The following DOCK3 variants were observed in gnomAD, a reference collection of about 807,000 sequenced individuals.
DOCK3 encodes the protein dedicator of cytokinesis protein 3.
Under a neutral mutation model 265.6 loss-of-function variants are expected in DOCK3, and 60 were observed. That is an observed-to-expected ratio of 0.23 (90% CI 0.18 to 0.28). DOCK3 has a LOEUF of 0.28. Ranked by LOEUF, DOCK3 falls within the 10% of genes least tolerant of loss-of-function variation. The pLI, the probability that DOCK3 is intolerant of heterozygous loss-of-function variation, is 1.00. For missense variants in DOCK3, 1,981 were observed against 2,594.3 expected (o/e 0.76, Z 5.14); for synonymous variants, 881 against 938.0 (o/e 0.94, Z 1.11).
At chr3:50,771,273 C>CA (rs2041257641) in intron 1 of DOCK3, among the ~76,000 whole-genome samples, 1 of 151,976 alleles carries the variant, frequency 6.6e-6, no homozygotes, top group African/African-American at 2.4e-5. Flanking sequence ...ATAATCTGAT[C>CA]AAAAAATGGG....
At chr3:50,968,871 T>A (rs2077112236) in intron 5 of DOCK3, among the ~76,000 whole-genome samples, 1 of 152,144 alleles carries the variant, frequency 6.6e-6, no homozygotes, top group African/African-American at 2.4e-5. Flanking sequence ...TTTTAAAAAA[T>A]TTATTGCGAC....
intron 1 of DOCK3, among the ~76,000 whole-genome samples, chr3:50,683,845 C>T (rs796307055): frequency 1.7e-5 from 2 of 117,848 alleles, no homozygotes; most frequent in South Asian, 4.1e-4. Flanking sequence ...CTCCCCCCCC[C>T]CCACCCACTC....
At chr3:51,315,218 T>A in intron 32 of DOCK3, 90 bp downstream of exon 32, 2 of 1,434,776 alleles carry the variant, frequency 1.4e-6, no homozygotes, top group Admixed American at 2.4e-5. Context: ...ATGATTCTAG[T>A]GGGGATGGGC....
intron 1 of DOCK3, among the ~76,000 whole-genome samples, chr3:50,688,026 T>G (rs2034955799): frequency 6.6e-6 from 1 of 152,206 alleles, no homozygotes; most frequent in African/African-American, 2.4e-5. Flanking sequence ...TTCTGCTATT[T>G]TATTTATTTG....
chr3:50,890,223 G>A, intron 4 of DOCK3, 142 bp downstream of exon 4: 1 of 579,688 alleles, frequency 1.7e-6, no homozygotes. Context: ...ATGTAATTTT[G>A]AGGGAATAAT....
intron 27 of DOCK3, among the ~76,000 whole-genome samples, chr3:51,290,103 C>T (rs2081648064): frequency 6.6e-6 from 1 of 152,154 alleles, no homozygotes; most frequent in Non-Finnish European, 1.5e-5. Flanking sequence ...TAAACTGGTT[C>T]AACCATTGTG....
At chr3:51,217,842 GC>G (rs1304017285) in intron 14 of DOCK3, among the ~76,000 whole-genome samples, 6 of 152,200 alleles carry the variant, frequency 3.9e-5, no homozygotes, top group Non-Finnish European at 8.8e-5. Context: ...GTCAGGCCAG[GC>G]ACAGTGGCTC....
At chr3:51,068,094 T>C (rs540788428) in intron 6 of DOCK3, among the ~76,000 whole-genome samples, 1 of 152,336 alleles carries the variant, frequency 6.6e-6, no homozygotes, top group South Asian at 2.1e-4. Flanking sequence ...CTCTTATGCC[T>C]TTTCTCTAAG....
chr3:50,787,837 A>C (rs1465592924), intron 2 of DOCK3: 1 of 1,116,524 alleles, frequency 9.0e-7, no homozygotes, highest in Admixed American at 1.8e-5. Flanking sequence ...CTCATTGTTT[A>C]AGAACAGGAG....
intron 4 of DOCK3, among the ~76,000 whole-genome samples, chr3:50,905,035 T>A (rs940320580): frequency 6.6e-6 from 1 of 152,120 alleles, no homozygotes; most frequent in African/African-American, 2.4e-5. Flanking sequence ...TCCCCATTGC[T>A]TGTTTTTCTC....
At chr3:50,876,810 T>C (rs2355702) in intron 3 of DOCK3, 24,384 of 152,982 alleles carry the variant, frequency 0.16, 2,369 homozygotes, top group African/African-American at 0.26. Flanking sequence ...AGAAGATCAC[T>C]GTAACTTCTG....
rs550721344 is a variant in DOCK3 at position 50,905,535 on chromosome 3, G to C, written c.218+15454G>C. On this transcript the variant is annotated intron_variant, in intron 4 of 52. Coordinates refer to ENST00000266037, the MANE Select transcript of DOCK3 (RefSeq NM_004947.5). ...TTCTCTTTGAAGCAATTGTGAATGG[G>C]AGTTCACTCATGATTTGGCTCTCTG... Among the ~76,000 whole-genome samples, 50 of 152,172 alleles carry C rather than the reference G, an allele frequency of 3.3e-4. 2 individuals carry two copies. The highest frequency in any genetic ancestry group is 1.1e-3 in the African/African-American group (45 of 41,448).
chr3:50,868,266 G>T, intron 3 of DOCK3, among the ~76,000 whole-genome samples: 1 of 152,024 alleles, frequency 6.6e-6, no homozygotes, highest in Admixed American at 6.6e-5. Flanking sequence ...TAGAGACAGG[G>T]TTTCACCATG....
chr3:51,063,386 A>C (rs2109263985), intron 5 of DOCK3, among the ~76,000 whole-genome samples: 1 of 152,296 alleles, frequency 6.6e-6, no homozygotes, highest in East Asian at 1.9e-4. Flanking sequence ...ACATTAGATG[A>C]TTTCTAAGTA....
chr3:51,330,131 C>G lies in DOCK3; in HGVS notation c.3403-7C>G. ...CTCAGGTTTATGAAGTCTCTGCTTC[C>G]TTCTAGGTGGAGGCCGAGTTGATTG... On this transcript the variant is annotated splice_region_variant and splice_polypyrimidine_tract_variant and intron_variant, in intron 32 of 52. Transcript: ENST00000266037. 6.3e-7 allele frequency: 1 copy of G among 1,595,824 alleles called. No homozygotes were observed. The highest frequency in any genetic ancestry group is 8.5e-7 in the Non-Finnish European group (1 of 1,171,166).
At chr3:50,830,321 T>C (rs1241252450) in intron 2 of DOCK3, among the ~76,000 whole-genome samples, 1 of 152,214 alleles carries the variant, frequency 6.6e-6, no homozygotes, top group Non-Finnish European at 1.5e-5. Context: ...CAAAGAACCA[T>C]GATTTGTTAT....
chr3:51,242,621 C>T (rs1374444946), intron 21 of DOCK3, among the ~76,000 whole-genome samples: 1 of 151,994 alleles, frequency 6.6e-6, no homozygotes, highest in African/African-American at 2.4e-5. Flanking sequence ...TGGGTGCCTC[C>T]TCTGTGTCCT....
chr3:51,221,006 G>A (rs2090071312), intron 14 of DOCK3, among the ~76,000 whole-genome samples: 1 of 151,952 alleles, frequency 6.6e-6, no homozygotes, highest in South Asian at 2.1e-4. Flanking sequence ...GGAGACCTCT[G>A]AGACTACTCT....
intron 5 of DOCK3, among the ~76,000 whole-genome samples, chr3:51,009,583 G>A (rs1478251799): frequency 3.3e-5 from 5 of 152,020 alleles, no homozygotes; most frequent in Non-Finnish European, 5.9e-5. Context: ...TGGATTCATT[G>A]AATTTTTGAA....
Sources: gnomAD v4.1 joint callset for allele counts (sites outside exome capture counted in the v4.1 genomes callset) on GRCh38, gnomAD v4.1.1 for gene constraint, MANE v1.5 for transcripts, NCBI Gene and HGNC (gene_info 2026-07-23, HGNC 2026-07-21) for gene names.